PSMD1: variants seen among roughly 807,000 people sequenced by gnomAD.
PSMD1 encodes the protein proteasome 26S subunit, non-ATPase 1.
PSMD1 carries 18 observed loss-of-function variants against 119.0 expected under a neutral mutation model. The ratio of observed to expected loss-of-function variants is 0.15; its 90% confidence interval spans 0.10 to 0.22. The LOEUF is 0.22. Ranked by LOEUF, PSMD1 falls within the 10% of genes least tolerant of loss-of-function variation. The pLI is 1.00. For synonymous variants in PSMD1, 374 were observed against 396.6 expected, an observed-to-expected ratio of 0.94 and a Z score of 0.68; for missense variants, 702 against 1,158.5, an observed-to-expected ratio of 0.61 and a Z score of 5.72.
chr2:231,075,578 G>GTGCTT lies in PSMD1; in HGVS notation c.942+9_942+13dup. The GTGCTT allele has an allele frequency of 6.2e-7, 1 of 1,600,890 alleles. No individual in the cohort carries two copies. The highest frequency in any genetic ancestry group is 8.5e-7 in the Non-Finnish European group (1 of 1,174,970). Reference sequence around the variant, plus strand: ...AGGAAAGACACCAGAAGCCGTGAGTGTGCTTTTTTTTTTTCCTTTGAGACA... The same window carrying GTGCTT: ...AGGAAAGACACCAGAAGCCGTGAGTGTGCTTTGCTTTTTTTTTTTCCTTTGAGACA... On this transcript the variant is annotated splice_region_variant and intron_variant, in intron 8 of 24. Coordinates refer to ENST00000308696, the MANE Select transcript of PSMD1 (RefSeq NM_002807.4).
At chr2:231,095,452 G>A (rs1694700698) in intron 16 of PSMD1, among the ~76,000 whole-genome samples, 1 of 152,196 alleles carries the variant, frequency 6.6e-6, no homozygotes, top group East Asian at 1.9e-4. Context: ...CTTTATGACA[G>A]AGGCATATAA....
At position 231,111,947 on chromosome 2, in the gene PSMD1, G is replaced by A. The variant is rs528357688; in HGVS notation, c.1883+24766G>A. Among the ~76,000 whole-genome samples, 70 of 152,076 alleles carry A rather than the reference G, an allele frequency of 4.6e-4. 1 individual carries two copies. The highest frequency in any genetic ancestry group is 1.6e-3 in the African/African-American group (68 of 41,490). On this transcript the variant is annotated intron_variant, in intron 16 of 24. Coordinates refer to ENST00000308696, the MANE Select transcript of PSMD1 (RefSeq NM_002807.4). ...ATCATCTGTGTATTCTTAGTACCTA[G>A]CACATTATAAACACTCAATAAAAAT... is the stretch of plus-strand genomic sequence containing the variant.
intron 1 of PSMD1, 84 bp from the exon 2 acceptor site, chr2:231,061,183 G>A: frequency 9.3e-7 from 1 of 1,071,792 alleles, no homozygotes; most frequent in South Asian, 1.5e-5. Context: ...TTGTTTTTCA[G>A]CCATCATGTA....
chr2:231,109,473 CT>C (rs1485606449), intron 16 of PSMD1: 37 of 1,362,538 alleles, frequency 2.7e-5, no homozygotes, highest in Non-Finnish European at 3.9e-5. Flanking sequence ...CGATTAGATC[CT>C]TTTGGATTGT....
chr2:231,149,823 C>CT (rs1339738996), intron 18 of PSMD1, among the ~76,000 whole-genome samples: 5 of 152,182 alleles, frequency 3.3e-5, no homozygotes, highest in Non-Finnish European at 7.3e-5. Flanking sequence ...AGAAACTACT[C>CT]TAAGCAAATT....
At chr2:231,161,229 C>T (rs1696631847) in intron 19 of PSMD1, 111 bp from the exon 20 acceptor site, 1 of 1,080,724 alleles carries the variant, frequency 9.3e-7, no homozygotes, top group African/African-American at 1.7e-5. Context: ...CAGTGAGACC[C>T]TATCTCTTTA....
intron 16 of PSMD1, among the ~76,000 whole-genome samples, chr2:231,114,160 T>C (rs1695254685): frequency 6.6e-6 from 1 of 152,242 alleles, no homozygotes; most frequent in Non-Finnish European, 1.5e-5. Context: ...GTGCCTTTTT[T>C]CTAAGTCAGC....
In PSMD1 at chr2:231,138,736, A is replaced by G. The variant is rs770517649; in HGVS notation, c.1884A>G (p.Arg628=). 5 of 1,610,864 alleles carry G rather than the reference A, an allele frequency of 3.1e-6. No homozygotes were observed. In the East Asian group the frequency reaches 1.1e-4, roughly 36 times the overall value. ...AVESLGFILF[R]TPEQCPSVVS... The stretch of plus-strand genomic sequence containing the variant: ...GGCTTCGCTTTCTGTTTCTTATCAG[A>G]ACCCCTGAACAGTGCCCAAGTGTTG... Residue 628 remains arginine (R), a splice_region_variant and synonymous_variant, in exon 17 of 25, where the codon AGA becomes AGG. Coordinates refer to ENST00000308696, the MANE Select transcript of PSMD1 (RefSeq NM_002807.4).
At chr2:231,059,094 C>T (rs1240744039) in intron 1 of PSMD1, among the ~76,000 whole-genome samples, 1 of 152,160 alleles carries the variant, frequency 6.6e-6, no homozygotes, top group African/African-American at 2.4e-5. Context: ...TAATCAGTCC[C>T]TTGAGTTTTT....
At chr2:231,133,246 G>A (rs962896993) in intron 16 of PSMD1, among the ~76,000 whole-genome samples, 24 of 152,016 alleles carry the variant, frequency 1.6e-4, no homozygotes, top group African/African-American at 5.3e-4. Flanking sequence ...CACCACACCC[G>A]GCTAATTTTT....
At chr2:231,079,709 G>A in intron 11 of PSMD1, 95 bp downstream of exon 11, 1 of 738,554 alleles carries the variant, frequency 1.4e-6, no homozygotes, top group Non-Finnish European at 2.1e-6. Context: ...TCATTAACAA[G>A]TACACTTTGT....
At chr2:231,156,470 A>AC (rs200705571) in intron 19 of PSMD1, among the ~76,000 whole-genome samples, 7,416 of 152,086 alleles carry the variant, frequency 0.049, 238 homozygotes, top group Non-Finnish European at 0.064. Flanking sequence ...TAGTTTCACT[A>AC]CCCTAAAAAT....
chr2:231,075,240 G>A lies in PSMD1; in HGVS notation c.882-271G>A, dbSNP rs184502865. ...ATTTTGCTTTACCTGACTGTGTTTT[G>A]TGAATGAAGGAGATATTTTGTCGCC... On this transcript the variant is annotated intron_variant, in intron 7 of 24. Coordinates refer to ENST00000308696, the MANE Select transcript of PSMD1 (RefSeq NM_002807.4). Among the ~76,000 whole-genome samples, 8 of 152,252 alleles carry A rather than the reference G, an allele frequency of 5.3e-5. No homozygotes were observed. In the East Asian group the frequency reaches 1.4e-3, roughly 26 times the overall value.
At chr2:231,121,472 C>T (rs911877250) in intron 16 of PSMD1, among the ~76,000 whole-genome samples, 4 of 152,126 alleles carry the variant, frequency 2.6e-5, no homozygotes, top group African/African-American at 9.7e-5. Flanking sequence ...AGACATTTCA[C>T]ATATTTTATG....
chr2:231,078,444 G>T lies in PSMD1; in HGVS notation c.1072-215G>T, dbSNP rs555721545. Among the ~76,000 whole-genome samples the T allele has an allele frequency of 2.6e-5, 4 of 152,174 alleles. No individual in the cohort carries two copies. In the East Asian group the frequency reaches 5.8e-4, roughly 22 times the overall value. On this transcript the variant is annotated intron_variant, in intron 9 of 24. Transcript: ENST00000308696. The stretch of plus-strand genomic sequence containing the variant: ...TTCCCCACTTAAAATCTGTTGTTGA[G>T]CTCTGTTAAAACTGCAAATAAAACT...
At chr2:231,066,227 G>T (rs951933154) in intron 4 of PSMD1, among the ~76,000 whole-genome samples, 2 of 152,202 alleles carry the variant, frequency 1.3e-5, no homozygotes, top group Non-Finnish European at 2.9e-5. Context: ...ACAGTTGCTG[G>T]AAAAGTTTTT....
intron 19 of PSMD1, among the ~76,000 whole-genome samples, chr2:231,154,426 G>GTCA (rs1262161049): frequency 1.3e-5 from 2 of 152,088 alleles, no homozygotes; most frequent in Admixed American, 6.6e-5. Flanking sequence ...AGTGACAGTG[G>GTCA]TGACAGTGCC....
At chr2:231,064,905 A>T (rs1017484459) in intron 4 of PSMD1, among the ~76,000 whole-genome samples, 2 of 117,268 alleles carry the variant, frequency 1.7e-5, no homozygotes, top group African/African-American at 9.0e-5. Flanking sequence ...CAAGTGATCC[A>T]CTTGCCTCGG....
At chr2:231,119,207 G>T (rs890147085) in intron 16 of PSMD1, among the ~76,000 whole-genome samples, 6 of 152,120 alleles carry the variant, frequency 3.9e-5, no homozygotes, top group Non-Finnish European at 2.9e-5. Flanking sequence ...CTCCATTTCA[G>T]AATTGGGTAG....
Sources: gnomAD v4.1 joint callset for allele counts (sites outside exome capture counted in the v4.1 genomes callset) on GRCh38, gnomAD v4.1.1 for gene constraint, MANE v1.5 for transcripts, NCBI Gene and HGNC (gene_info 2026-07-23, HGNC 2026-07-21) for gene names.